Variants in MMADHC observed in about 807,000 individuals in gnomAD.
MMADHC encodes cobalamin trafficking protein CblD.
In MMADHC, 23 loss-of-function variants were observed where a neutral mutation model predicts 36.3. The observed-to-expected ratio is 0.63, with a 90% CI of 0.46 to 0.90. The LOEUF (loss-of-function observed/expected upper bound fraction) is 0.90. MMADHC is among the 40% of genes least tolerant of loss of function. The pLI is 0.00. For missense variants in MMADHC, 330 were observed against 348.0 expected (o/e 0.95, Z 0.41); for synonymous variants, 97 against 116.1 (o/e 0.84, Z 1.06).
At chr2:149,586,163 A>C (rs1052214947) in intron 2 of MMADHC, among the ~76,000 whole-genome samples, 3 of 152,212 alleles carry the variant, frequency 2.0e-5, no homozygotes, top group African/African-American at 7.2e-5. Context: ...AAATGCTGCC[A>C]TATAAATCTT....
At chr2:149,584,136 A>G (rs1358786861) in intron 2 of MMADHC, among the ~76,000 whole-genome samples, 1 of 152,210 alleles carries the variant, frequency 6.6e-6, no homozygotes, top group Non-Finnish European at 1.5e-5. Flanking sequence ...GGGTGTTTAT[A>G]TAATACAAAT....
At chr2:149,572,576 A>G (rs1289914865) in intron 6 of MMADHC, among the ~76,000 whole-genome samples, 1 of 152,156 alleles carries the variant, frequency 6.6e-6, no homozygotes, top group Non-Finnish European at 1.5e-5. Flanking sequence ...AGGGCAAAGA[A>G]CTAGAGCCCA....
In MMADHC at chr2:149,575,785, T is replaced by C; in HGVS notation, c.535A>G (p.Thr179Ala). 6 of 1,609,238 alleles carry C rather than the reference T, an allele frequency of 3.7e-6. No individual in the cohort carries two copies. Among genetic ancestry groups the C allele is most frequent in the Non-Finnish European group, 5.1e-6 (6 of 1,176,370 alleles). The change falls in exon 6 of 8, where the codon ACA becomes GCA. Residue 179 changes from threonine to alanine, a missense_variant. Coordinates refer to ENST00000303319, the MANE Select transcript of MMADHC (RefSeq NM_015702.3). ...GTCATATCATTCTTAGTTTTTTGTG[T>C]TACAGTCAGAATCATTAGTTTGCCA... ...ANGKLMILTV[T>A]QKTKNDMTVW... is the part of the protein sequence containing the mutation.
At position 149,576,604 on chromosome 2, in the gene MMADHC, T is replaced by C. The variant is rs1057159908; in HGVS notation, c.373-62A>G. On this transcript the variant is annotated intron_variant, in intron 4 of 7. Transcript: ENST00000303319. ...AGTTCAAATAAAACGGTATCTTGCC[T>C]GTTATAAACCTGTCTTCCTTAGAAA... 3 of 1,129,704 alleles carry C rather than the reference T, an allele frequency of 2.7e-6. No individual in the cohort carries two copies. The African/African-American group carries it at 4.6e-5, about 17-fold the overall frequency. 70.0% of individuals were successfully genotyped at this position (1,129,704 alleles called of 1,614,324 possible).
At chr2:149,586,184 A>C (rs534005027) in intron 2 of MMADHC, among the ~76,000 whole-genome samples, 1 of 152,346 alleles carries the variant, frequency 6.6e-6, no homozygotes, top group African/African-American at 2.4e-5. Context: ...CCTAGCACAC[A>C]GCTCTAAGTG....
At chr2:149,573,706 CAT>C (rs1682676317) in intron 6 of MMADHC, among the ~76,000 whole-genome samples, 2 of 152,010 alleles carry the variant, frequency 1.3e-5, no homozygotes, top group African/African-American at 4.8e-5. Context: ...TATTAATCCT[CAT>C]AATTCTTAAA....
rs1682899332 is a variant in MMADHC, at chr2:149,587,767, AG to A, written c.-157del. On this transcript the variant is annotated 5_prime_UTR_variant, in exon 1 of 8. Coordinates refer to ENST00000303319, the MANE Select transcript of MMADHC (RefSeq NM_015702.3). ...GGTAGCACCTACGCTGGCGGTGAGCAGGCAAAGGAAGTTGCTTCCGAGCGCG... is the reference window on the plus strand; with the variant it reads ...GGTAGCACCTACGCTGGCGGTGAGCAGCAAAGGAAGTTGCTTCCGAGCGCG... 1 of 152,844 alleles carries A rather than the reference AG, an allele frequency of 6.5e-6. No homozygotes were observed. The highest frequency in any genetic ancestry group is 2.4e-5 in the African/African-American group (1 of 41,474). 9.5% of individuals were successfully genotyped at this position (152,844 alleles called of 1,614,324 possible).
intron 6 of MMADHC, among the ~76,000 whole-genome samples, chr2:149,572,887 C>T (rs1358956227): frequency 6.6e-6 from 1 of 152,082 alleles, no homozygotes; most frequent in Non-Finnish European, 1.5e-5. Context: ...CTCCAGAAGT[C>T]CAAGCCTTAC....
Position 149,579,432 on chromosome 2 carries a change from T to A in MMADHC, c.371A>T (p.Gln124Leu), listed in dbSNP as rs886042982. 4.3e-6 allele frequency: 7 copies of A among 1,609,654 alleles called. No individual in the cohort carries two copies. In the Admixed American group the frequency reaches 8.3e-5, roughly 19 times the overall value. The change falls in exon 4 of 8, where the codon CAG becomes CTG. Residue 124 changes from glutamine to leucine, a missense_variant and splice_region_variant. Transcript: ENST00000303319. ...CAATAAATGTTACCAACAATTTACC[T>A]GAAATTCATTCACATATTGTGCCAT... The part of the protein sequence containing the change: ...FVMAQYVNEF[Q>L]GNDAPVEQEI...
intron 5 of MMADHC, 141 bp downstream of exon 5, chr2:149,576,296 A>G (rs1319026615): frequency 4.4e-6 from 3 of 686,670 alleles, no homozygotes; most frequent in African/African-American, 3.5e-5. Flanking sequence ...CAAAGCCTTT[A>G]TCTTGGCCAT....
chr2:149,580,356 C>T (rs529611539), intron 3 of MMADHC, among the ~76,000 whole-genome samples: 5 of 152,032 alleles, frequency 3.3e-5, no homozygotes, highest in South Asian at 4.2e-4. Context: ...GCACAAAATA[C>T]GAACGGGAAA....
chr2:149,585,682 C>T (rs1682859341), intron 2 of MMADHC, among the ~76,000 whole-genome samples: 1 of 152,196 alleles, frequency 6.6e-6, no homozygotes, highest in Non-Finnish European at 1.5e-5. Context: ...ATGAAGGCTT[C>T]TTAATGTACC....
chr2:149,587,221 A>C (rs548223984), intron 1 of MMADHC, 72 bp from the exon 2 acceptor site: 2 of 947,030 alleles, frequency 2.1e-6, no homozygotes, highest in Admixed American at 1.8e-5. Context: ...GGTAACGTCC[A>C]CTCTTCGAAG....
chr2:149,572,695 C>T (rs1682661904), intron 6 of MMADHC, among the ~76,000 whole-genome samples: 1 of 152,102 alleles, frequency 6.6e-6, no homozygotes. Flanking sequence ...AAATGGGCTC[C>T]TGAGTTAGTC....
intron 3 of MMADHC, among the ~76,000 whole-genome samples, chr2:149,580,612 A>G (rs1682781143): frequency 6.6e-6 from 1 of 152,216 alleles, no homozygotes; most frequent in Non-Finnish European, 1.5e-5. Context: ...TTAGCAATAA[A>G]AATAGATATT....
intron 4 of MMADHC, among the ~76,000 whole-genome samples, chr2:149,578,793 T>A (rs1031198029): frequency 9.2e-5 from 14 of 151,950 alleles, no homozygotes; most frequent in African/African-American, 3.1e-4. Flanking sequence ...AAAAAAAAAC[T>A]CAGCCTAAAA....
At chr2:149,572,975 TA>T (rs1465753147) in intron 6 of MMADHC, among the ~76,000 whole-genome samples, 1 of 152,214 alleles carries the variant, frequency 6.6e-6, no homozygotes, top group African/African-American at 2.4e-5. Flanking sequence ...CCTGTTTGGA[TA>T]AACAGTTTTA....
At chr2:149,571,277 G>T in intron 6 of MMADHC, 106 bp from the exon 7 acceptor site, 2 of 663,942 alleles carry the variant, frequency 3.0e-6, no homozygotes, top group Non-Finnish European at 4.8e-6. Context: ...AAGAACTCAA[G>T]ATTAATAAAA....
In MMADHC at chr2:149,575,382, AGATGAAGG is replaced by A. The variant is rs1682698830; in HGVS notation, c.609+321_609+328del. On this transcript the variant is annotated intron_variant, in intron 6 of 7. Transcript: ENST00000303319. ...GATAGATTTGGAGGGGAAGATGGGG[AGATGAAGG>A]GGGAGATGGAGAAGGAGAGGGAGGG... Among the ~76,000 whole-genome samples, 4 of 32,382 alleles carry A rather than the reference AGATGAAGG, an allele frequency of 1.2e-4. No homozygotes were observed. The South Asian group carries it at 8.3e-3, about 67-fold the overall frequency. 21.2% of individuals were successfully genotyped at this position (32,382 alleles called of 152,430 possible).
Sources: allele counts gnomAD v4.1 joint callset (sites outside exome capture counted in the v4.1 genomes callset), GRCh38; gene constraint gnomAD v4.1.1; transcripts MANE v1.5; gene names NCBI Gene and HGNC (gene_info 2026-07-23, HGNC 2026-07-21).